PXDN: variants seen among roughly 807,000 people sequenced by gnomAD.
The protein encoded by PXDN is peroxidasin, also known as peroxidasin homolog.
PXDN carries 77 observed loss-of-function variants against 140.3 expected under a neutral mutation model. The observed-to-expected ratio is 0.55, with a 90% CI of 0.46 to 0.66. The LOEUF (loss-of-function observed/expected upper bound fraction) is 0.66, where lower values mean the gene tolerates loss of function less well. Among genes scored for constraint, PXDN ranks in the 30% least tolerant of loss-of-function variants. The probability of loss-of-function intolerance (pLI) is 0.00; values close to 1 mark genes in which losing one functional copy is unlikely to be tolerated. For synonymous variants in PXDN, 911 were observed against 857.4 expected (o/e 1.06, Z -1.09); for missense variants, 1,838 against 2,039.5 (o/e 0.90, Z 1.90).
intron 14 of PXDN, among the ~76,000 whole-genome samples, chr2:1,658,916 T>C (rs552639398): frequency 1.6e-3 from 251 of 152,238 alleles, no homozygotes; most frequent in African/African-American, 5.9e-3. Flanking sequence ...GCCCATGCCT[T>C]GCCCTGCGGT....
At chr2:1,659,157 G>C (rs1236154260) in intron 14 of PXDN, among the ~76,000 whole-genome samples, 1 of 152,204 alleles carries the variant, frequency 6.6e-6, no homozygotes, top group Non-Finnish European at 1.5e-5. Flanking sequence ...CTTACAACAT[G>C]TGCTCACACC....
chr2:1,664,622 T>G (rs1295339608), intron 11 of PXDN: 2 of 238,080 alleles, frequency 8.4e-6, no homozygotes, highest in African/African-American at 4.5e-5. Flanking sequence ...TGCAAATAGA[T>G]TCCTTCAAGA....
rs967825855 is a variant in PXDN, at chr2:1,648,290, C to T, written c.3490G>A (p.Asp1164Asn). 1 of 1,613,950 alleles carries T rather than the reference C, an allele frequency of 6.2e-7. No individual in the cohort carries two copies. The highest frequency in any genetic ancestry group is 8.5e-7 in the Non-Finnish European group (1 of 1,179,900). ...TCGTGGTAGGGTGGGATCCCGTGGT[C>T]CCGGCCCCGCTGGATGTTGATGGCC... ...LAAINIQRGRDHGIPPYHDYR... is the reference protein window; with the variant it reads ...LAAINIQRGRNHGIPPYHDYR... Residue 1164 changes from aspartate (D) to asparagine (N), a missense_variant, in exon 17 of 23, where the codon GAC (aspartate) becomes AAC (asparagine). This residue lies in a region of PXDN where 850 missense variants were observed against 894.1 expected (regional missense o/e 0.95). Coordinates refer to ENST00000252804, the MANE Select transcript of PXDN (RefSeq NM_012293.3). The surrounding 1 kb of genome is among the most constrained non-coding windows in gnomAD (Gnocchi z 8.9).
intron 14 of PXDN, among the ~76,000 whole-genome samples, chr2:1,657,653 C>T (rs999400349): frequency 6.0e-5 from 9 of 149,076 alleles, no homozygotes; most frequent in African/African-American, 1.5e-4. Context: ...CTCTTGACAG[C>T]GACCTGCCCA....
intron 18 of PXDN, 42 bp downstream of exon 18, chr2:1,644,576 G>A (rs1682807093): frequency 6.5e-7 from 1 of 1,536,498 alleles, no homozygotes; most frequent in Non-Finnish European, 8.8e-7. Context: ...CCCTAAGAAG[G>A]TGGCTTAGGA....
In PXDN at chr2:1,651,622, G is replaced by A. The variant is rs1044611144; in HGVS notation, c.2105-1947C>T. 2.0e-5 allele frequency among the ~76,000 whole-genome samples: 3 copies of A among 152,066 alleles called. No individual in the cohort carries two copies. Among genetic ancestry groups the A allele is most frequent in the African/African-American group, 7.2e-5 (3 of 41,398 alleles). ...CAGTGACCACCTGCTGTTCCACTAT[G>A]CTCCAACGTGCCCCACCTCCAAGAC... is the stretch of plus-strand genomic sequence containing the variant. On this transcript the variant is annotated intron_variant, in intron 16 of 22. Transcript: ENST00000252804. This position sits in a 1 kb window ranked among gnomAD's most constrained non-coding sequence, Gnocchi z 4.4.
At chr2:1,706,525 T>G (rs956396790) in intron 1 of PXDN, among the ~76,000 whole-genome samples, 9 of 150,518 alleles carry the variant, frequency 6.0e-5, no homozygotes, top group African/African-American at 1.2e-4. Flanking sequence ...CACGCTTCAG[T>G]GTTCACCAAT....
chr2:1,692,010 G>C lies in PXDN; in HGVS notation c.273-11C>G. ...TTATTATTGAGAAGCCTATGAAAGA[G>C]AGTCGATAAGAATTTTAAAAAACAA... On this transcript the variant is annotated splice_polypyrimidine_tract_variant and intron_variant, in intron 2 of 22. Transcript: ENST00000252804. 1.3e-6 allele frequency: 2 copies of C among 1,491,274 alleles called. No individual in the cohort carries two copies. The highest frequency in any genetic ancestry group is 1.8e-6 in the Non-Finnish European group (2 of 1,105,696). 92.4% of individuals were successfully genotyped at this position (1,491,274 alleles called of 1,614,324 possible).
chr2:1,728,291 CG>C (rs1210046705), intron 1 of PXDN, among the ~76,000 whole-genome samples: 11 of 152,222 alleles, frequency 7.2e-5, no homozygotes, highest in African/African-American at 2.7e-4. Flanking sequence ...ATTCCGAGGC[CG>C]GTTTCGCTTG....
chr2:1,720,732 A>T (rs1286349872), intron 1 of PXDN, among the ~76,000 whole-genome samples: 1 of 140,958 alleles, frequency 7.1e-6, no homozygotes, highest in African/African-American at 2.8e-5. Flanking sequence ...TCTCACACAC[A>T]CACACACACA....
intron 1 of PXDN, among the ~76,000 whole-genome samples, chr2:1,702,035 C>T (rs767857817): frequency 1.3e-5 from 2 of 152,102 alleles, no homozygotes; most frequent in Non-Finnish European, 2.9e-5. Flanking sequence ...TCCTCAGAGA[C>T]GCCTGAACGG....
At position 1,662,017 on chromosome 2, in the gene PXDN, C is replaced by T. The variant is rs1036173460; in HGVS notation, c.1680+55G>A. Reference sequence around the variant, plus strand: ...TCCAGGTAGTGGGTGGTGTGGGTGCCAGCCCGTCTACCTTGTATCTGGGTG... The same window carrying T: ...TCCAGGTAGTGGGTGGTGTGGGTGCTAGCCCGTCTACCTTGTATCTGGGTG... On this transcript the variant is annotated intron_variant, in intron 13 of 22. Transcript: ENST00000252804. 7 of 1,475,952 alleles carry T rather than the reference C, an allele frequency of 4.7e-6. No homozygotes were observed. The East Asian group carries it at 9.9e-5, about 21-fold the overall frequency. The allele number at this position is 1,475,952 out of a possible 1,614,324, so 91.4% of individuals were successfully genotyped here. A position where few individuals can be genotyped will look rare whatever the true frequency, so the allele number is the denominator to read the frequency against.
At chr2:1,702,996 A>AG (rs1684474613) in intron 1 of PXDN, among the ~76,000 whole-genome samples, 2 of 53,178 alleles carry the variant, frequency 3.8e-5, no homozygotes, top group Non-Finnish European at 3.4e-5. Context: ...GAAGGGGGGG[A>AG]CAACTCCAGG....
intron 14 of PXDN, 62 bp from the exon 15 acceptor site, chr2:1,654,570 T>C: frequency 9.1e-7 from 1 of 1,103,966 alleles, no homozygotes; most frequent in Admixed American, 1.9e-5. Context: ...CATAAAATGA[T>C]GTCTAGACAC....
intron 1 of PXDN, among the ~76,000 whole-genome samples, chr2:1,716,093 T>C (rs1485965182): frequency 6.6e-6 from 1 of 152,150 alleles, no homozygotes; most frequent in Non-Finnish European, 1.5e-5. Flanking sequence ...GGCTGTGGCT[T>C]CCTGGACAGA....
rs1366603952 is a variant in PXDN, at chr2:1,707,241, GC to G, written c.201-14108del. Among the ~76,000 whole-genome samples the G allele has an allele frequency of 2.9e-3, 394 of 137,322 alleles. 26 individuals are homozygous for G. The highest frequency in any genetic ancestry group is 5.4e-3 in the East Asian group (17 of 3,122). The allele number at this position is 137,322 out of a possible 152,430, so 90.1% of individuals were successfully genotyped here. A position where few individuals can be genotyped will look rare whatever the true frequency, so the allele number is the denominator to read the frequency against. Reference sequence around the variant, plus strand: ...ATACAATCTAAGAGCACGCTGCAGTGCTCACCAATCAGCTCTAAGCATCACC... The same window carrying G: ...ATACAATCTAAGAGCACGCTGCAGTGTCACCAATCAGCTCTAAGCATCACC... On this transcript the variant is annotated intron_variant, in intron 1 of 22. Transcript: ENST00000252804.
In PXDN at chr2:1,635,470, C is replaced by A. The variant is rs1193530648; in HGVS notation, c.4258G>T (p.Gly1420Cys). Reference protein sequence around the residue: ...LSTTECVDAGGESHANNTKWK... With the variant: ...LSTTECVDAGCESHANNTKWK... ...TTGGTGTTGTTGGCGTGAGATTCGCCCCCGGCATCCACGCACTCTGTGGTA... is the reference window on the plus strand; with the variant it reads ...TTGGTGTTGTTGGCGTGAGATTCGCACCCGGCATCCACGCACTCTGTGGTA... The change falls in exon 22 of 23, where the codon GGC (glycine) becomes TGC (cysteine). Residue 1420 changes from glycine (G) to cysteine (C), a missense_variant. Coordinates refer to ENST00000252804, the MANE Select transcript of PXDN (RefSeq NM_012293.3). 1.2e-6 allele frequency: 2 copies of A among 1,602,276 alleles called. No homozygotes were observed. The highest frequency in any genetic ancestry group is 3.4e-5 in the Admixed American group (2 of 58,342).
chr2:1,637,175 G>C, intron 21 of PXDN: 1 of 152,672 alleles, frequency 6.5e-6, no homozygotes, highest in East Asian at 1.9e-4. Context: ...TGTGCACAAG[G>C]CCTGCCCTGA....
intron 17 of PXDN, chr2:1,646,128 G>C (rs1213979088): frequency 6.6e-6 from 1 of 152,310 alleles, no homozygotes; most frequent in Non-Finnish European, 1.5e-5. Flanking sequence ...TCTGCCCTGT[G>C]AAGTCCTCCT....
Sources: allele counts gnomAD v4.1 joint callset (sites outside exome capture counted in the v4.1 genomes callset), GRCh38; gene constraint gnomAD v4.1.1; regional missense constraint gnomAD v4.1.1; non-coding constraint Gnocchi (gnomAD v3.1); transcripts MANE v1.5; gene names NCBI Gene and HGNC (gene_info 2026-07-23, HGNC 2026-07-21).